POC1B: variants seen among roughly 807,000 people sequenced by gnomAD.
POC1B encodes POC1 centriolar protein B.
A neutral mutation model predicts 60.6 loss-of-function variants in POC1B; 44 were observed. The ratio of observed to expected loss-of-function variants is 0.73; its 90% confidence interval spans 0.57 to 0.93. POC1B has a LOEUF of 0.93. POC1B is among the 40% of genes least tolerant of loss of function. The pLI is 0.00. For missense variants in POC1B, 555 were observed against 572.3 expected, an observed-to-expected ratio of 0.97 and a Z score of 0.31; for synonymous variants, 180 against 198.9, an observed-to-expected ratio of 0.90 and a Z score of 0.80.
the POC1B span, among the ~76,000 whole-genome samples, chr12:89,413,187 C>T: frequency 1.3e-5 from 2 of 152,072 alleles, no homozygotes; most frequent in East Asian, 1.9e-4. Context: ...GTGGGAGCCA[C>T]CATGCCTTGC....
At chr12:89,434,421 G>C (rs1008290555) in intron 10 of POC1B, among the ~76,000 whole-genome samples, 1 of 152,148 alleles carries the variant, frequency 6.6e-6, no homozygotes. Flanking sequence ...AATCTCTAGA[G>C]AAACCTATTA....
chr12:89,447,474 C>A (rs1881837266), intron 10 of POC1B, among the ~76,000 whole-genome samples: 1 of 152,060 alleles, frequency 6.6e-6, no homozygotes, highest in African/African-American at 2.4e-5. Context: ...TCTAAAAGTA[C>A]AAATCTGAGA....
chr12:89,442,402 A>G (rs1881564750), intron 10 of POC1B, among the ~76,000 whole-genome samples: 6 of 152,242 alleles, frequency 3.9e-5, no homozygotes, highest in Admixed American at 3.9e-4. Context: ...CGAACAGCAG[A>G]TGTCTCGGCA....
intron 2 of POC1B, among the ~76,000 whole-genome samples, chr12:89,512,479 C>G (rs1008486821): frequency 3.9e-5 from 6 of 152,140 alleles, no homozygotes; most frequent in Non-Finnish European, 8.8e-5. Context: ...AGTATCAAGC[C>G]CAGGCACGGT....
intron 4 of POC1B, among the ~76,000 whole-genome samples, chr12:89,476,043 AT>A (rs1228561307): frequency 2.0e-5 from 3 of 148,912 alleles, no homozygotes; most frequent in Non-Finnish European, 3.0e-5. Context: ...AATAACTGGG[AT>A]TACAGGCTTG....
At chr12:89,494,134 C>T (rs903228980) in intron 3 of POC1B, among the ~76,000 whole-genome samples, 3 of 152,140 alleles carry the variant, frequency 2.0e-5, no homozygotes, top group South Asian at 2.1e-4. Context: ...CAAACTCCTG[C>T]GCTCAAGAGC....
At chr12:89,505,186 C>A (rs530952318) in intron 2 of POC1B, among the ~76,000 whole-genome samples, 68 of 152,240 alleles carry the variant, frequency 4.5e-4, no homozygotes, top group African/African-American at 1.6e-3. Flanking sequence ...ATAAATAACA[C>A]CAAATCTTGG....
intron 4 of POC1B, among the ~76,000 whole-genome samples, chr12:89,491,234 C>T (rs1380576156): frequency 1.3e-5 from 2 of 152,164 alleles, no homozygotes; most frequent in African/African-American, 4.8e-5. Flanking sequence ...TTCTTCAAGC[C>T]TCACTCCCTC....
rs1368782690 is a variant in POC1B at position 89,425,176 on chromosome 12, G to T, written c.1317C>A (p.Leu439=). Reference sequence around the variant, plus strand: ...TCATGCCCACCTGTGTCAAAACATTGAGTTGTTCCATAATATGCTCTAAAG... The same window carrying T: ...TCATGCCCACCTGTGTCAAAACATTTAGTTGTTCCATAATATGCTCTAAAG... ...TDALEHIMEQ[L]NVLTQTVSIL... is the part of the protein sequence containing the mutation. The change falls in exon 11 of 12, where the codon CTC becomes CTA. Residue 439 remains leucine, a synonymous_variant. Coordinates refer to ENST00000313546, the MANE Select transcript of POC1B (RefSeq NM_172240.3). 1 of 1,614,060 alleles carries T rather than the reference G, an allele frequency of 6.2e-7. No individual in the cohort carries two copies.
At chr12:89,416,480 T>G (rs1230579364), downstream of POC1B, among the ~76,000 whole-genome samples, 1 of 152,118 alleles carries the variant, frequency 6.6e-6, no homozygotes, top group East Asian at 1.9e-4. Flanking sequence ...GGAGGCATGC[T>G]CGGAAAATAA....
intron 2 of POC1B, among the ~76,000 whole-genome samples, chr12:89,508,442 T>C (rs10161460): frequency 0.49 from 75,170 of 151,996 alleles, 18,751 homozygotes; most frequent in East Asian, 0.58. Flanking sequence ...AGATTGAAGA[T>C]ATAATTTTGA....
chr12:89,404,766 T>C, the POC1B span, among the ~76,000 whole-genome samples: 1 of 152,092 alleles, frequency 6.6e-6, no homozygotes, highest in Non-Finnish European at 1.5e-5. Context: ...CTGAATTACC[T>C]AAAATAAACC....
chr12:89,510,020 T>TC (rs1870100802), intron 2 of POC1B, among the ~76,000 whole-genome samples: 2 of 151,588 alleles, frequency 1.3e-5, no homozygotes, highest in Admixed American at 1.3e-4. Flanking sequence ...TAATTTTTTT[T>TC]GTATTTTTAG....
intron 10 of POC1B, among the ~76,000 whole-genome samples, chr12:89,433,733 A>G (rs1334209727): frequency 6.6e-6 from 1 of 152,232 alleles, no homozygotes; most frequent in Non-Finnish European, 1.5e-5. Context: ...TGCCATCAGC[A>G]CAAAGGACTC....
In POC1B at chr12:89,421,250, GA is replaced by G; in HGVS notation, c.1339del (p.Ser447GlnfsTer7). ...EQLNVLTQTV[S>X]ILEQRLTLTE... is the part of the protein sequence containing the mutation. ...CAAAGTCAGTCGCTGCTCCAAGATT[GA>G]AACAGTCTGCAAAAAGGAGGATAAA... is the stretch of plus-strand genomic sequence containing the variant. On this transcript the variant is annotated frameshift_variant, in exon 12 of 12. Coordinates refer to ENST00000313546, the MANE Select transcript of POC1B (RefSeq NM_172240.3). LOFTEE classifies it high-confidence loss of function. The G allele has an allele frequency of 6.3e-7, 1 of 1,592,122 alleles. No homozygotes were observed. Among genetic ancestry groups the G allele is most frequent in the Non-Finnish European group, 8.6e-7 (1 of 1,163,820 alleles).
intron 10 of POC1B, among the ~76,000 whole-genome samples, chr12:89,429,642 G>A (rs1027560962): frequency 6.6e-6 from 1 of 152,104 alleles, no homozygotes; most frequent in African/African-American, 2.4e-5. Context: ...TATGATGCCC[G>A]CTCTCAAGGA....
intron 3 of POC1B, among the ~76,000 whole-genome samples, chr12:89,495,754 CGT>C (rs1869215870): frequency 6.6e-6 from 1 of 151,616 alleles, no homozygotes; most frequent in South Asian, 2.1e-4. Context: ...GTACTTTATT[CGT>C]ATTATTATTA....
the POC1B span, among the ~76,000 whole-genome samples, chr12:89,406,785 C>T: frequency 2.8e-4 from 42 of 151,764 alleles, no homozygotes; most frequent in Middle Eastern, 6.9e-3. Flanking sequence ...ATGCCCGATA[C>T]GTAATAATAT....
intron 10 of POC1B, among the ~76,000 whole-genome samples, chr12:89,438,299 T>C (rs1881363553): frequency 6.6e-6 from 1 of 151,622 alleles, no homozygotes; most frequent in Non-Finnish European, 1.5e-5. Flanking sequence ...CTACTAAAAA[T>C]ACAAAAAATT....
Sources: gnomAD v4.1 joint callset for allele counts (sites outside exome capture counted in the v4.1 genomes callset) on GRCh38, gnomAD v4.1.1 for gene constraint, MANE v1.5 for transcripts, NCBI Gene and HGNC (gene_info 2026-07-23, HGNC 2026-07-21) for gene names.